Variants in AUH observed in about 807,000 individuals in gnomAD.
AUH encodes AU RNA binding methylglutaconyl-CoA hydratase, also known as methylglutaconyl-CoA hydratase, mitochondrial.
AUH carries 29 observed loss-of-function variants against 42.3 expected under a neutral mutation model. The observed-to-expected ratio is 0.69, with a 90% confidence interval of 0.51 to 0.93. AUH has a LOEUF of 0.93. Among genes scored for constraint, AUH ranks in the 40% least tolerant of loss-of-function variants. The pLI is 0.00. For missense variants in AUH, 452 were observed against 438.1 expected (o/e 1.03, Z -0.28); for synonymous variants, 174 against 166.4 (o/e 1.05, Z -0.35).
At chr9:91,326,016 G>A (rs1044133992) in intron 3 of AUH, among the ~76,000 whole-genome samples, 2 of 152,106 alleles carry the variant, frequency 1.3e-5, no homozygotes, top group East Asian at 1.9e-4. Flanking sequence ...CTTTAGCACA[G>A]AATCGTAACT....
intron 6 of AUH, among the ~76,000 whole-genome samples, chr9:91,290,801 C>T (rs1826808944): frequency 6.6e-6 from 1 of 152,152 alleles, no homozygotes; most frequent in Admixed American, 6.5e-5. Flanking sequence ...ATAATCAAGT[C>T]ACAGTAAATA....
intron 3 of AUH, among the ~76,000 whole-genome samples, chr9:91,344,998 TA>T (rs1244330713): frequency 6.9e-6 from 1 of 145,684 alleles, no homozygotes; most frequent in Non-Finnish European, 1.5e-5. Flanking sequence ...CAAAATTCAA[TA>T]CATGTTCATG....
At chr9:91,334,303 G>C (rs115292010) in intron 3 of AUH, among the ~76,000 whole-genome samples, 404 of 152,278 alleles carry the variant, frequency 2.7e-3, no homozygotes, top group African/African-American at 9.0e-3. Context: ...GGTCCTTCTG[G>C]ATGACTAGCA....
chr9:91,316,817 G>A (rs1163227417), intron 4 of AUH, among the ~76,000 whole-genome samples: 1 of 152,124 alleles, frequency 6.6e-6, no homozygotes, highest in Non-Finnish European at 1.5e-5. Context: ...TTGTCTCCCA[G>A]TCTGTGTCTT....
intron 6 of AUH, among the ~76,000 whole-genome samples, chr9:91,275,850 T>C (rs1202712506): frequency 6.6e-6 from 1 of 152,204 alleles, no homozygotes; most frequent in Non-Finnish European, 1.5e-5. Context: ...CAATGCATTA[T>C]CATTTCTAGA....
chr9:91,255,307 T>A (rs375985148), intron 6 of AUH, among the ~76,000 whole-genome samples: 5 of 152,240 alleles, frequency 3.3e-5, no homozygotes, highest in African/African-American at 1.2e-4. Flanking sequence ...ACTGACTGTA[T>A]CTTTTGTTAA....
intron 3 of AUH, among the ~76,000 whole-genome samples, chr9:91,327,978 C>T (rs561041328): frequency 2.6e-5 from 4 of 152,294 alleles, no homozygotes; most frequent in Admixed American, 2.0e-4. Flanking sequence ...GCACGGGATT[C>T]AAGTGGGCGC....
intron 6 of AUH, among the ~76,000 whole-genome samples, chr9:91,238,018 T>A (rs1012145097): frequency 6.6e-6 from 1 of 152,234 alleles, no homozygotes; most frequent in Admixed American, 6.5e-5. Context: ...ATGAGTTTTT[T>A]GCTAGTCAGT....
intron 3 of AUH, among the ~76,000 whole-genome samples, chr9:91,353,260 G>C (rs1055991019): frequency 3.3e-5 from 5 of 151,954 alleles, no homozygotes; most frequent in Admixed American, 6.6e-5. Context: ...AAAATTTTTT[G>C]TATTTTTAGT....
chr9:91,259,089 A>G (rs528333036), intron 6 of AUH, among the ~76,000 whole-genome samples: 9 of 152,320 alleles, frequency 5.9e-5, no homozygotes, highest in African/African-American at 2.2e-4. Context: ...TTGGAGTAGA[A>G]ATGATAATAT....
Position 91,282,790 on chromosome 9 carries a change from T to A in AUH, c.655+13231A>T, listed in dbSNP as rs7038799. On this transcript the variant is annotated intron_variant, in intron 6 of 9. Transcript: ENST00000375731. ...GAAGCTGAATCCCTGAATAGACCAA[T>A]AACAGGCTCTGAAATTGAGGCAATA... Among the ~76,000 whole-genome samples the A allele has an allele frequency of 4.4e-3, 669 of 152,142 alleles. 3 individuals carry two copies. The highest frequency in any genetic ancestry group is 0.015 in the African/African-American group (630 of 41,496).
At chr9:91,341,014 G>A (rs1831062182) in intron 3 of AUH, among the ~76,000 whole-genome samples, 1 of 152,182 alleles carries the variant, frequency 6.6e-6, no homozygotes, top group Non-Finnish European at 1.5e-5. Context: ...GCCCTGAGAA[G>A]GCAAACTACT....
At chr9:91,358,554 T>C (rs1450622382) in intron 1 of AUH, among the ~76,000 whole-genome samples, 1 of 152,234 alleles carries the variant, frequency 6.6e-6, no homozygotes, top group East Asian at 1.9e-4. Flanking sequence ...CATGGGACTG[T>C]ATTAGAATCG....
chr9:91,224,207 T>C (rs1292028951), intron 6 of AUH, among the ~76,000 whole-genome samples: 1 of 152,226 alleles, frequency 6.6e-6, no homozygotes, highest in Admixed American at 6.5e-5. Flanking sequence ...TGAGTAGTCA[T>C]GCTGAGCGCC....
chr9:91,225,695 TC>T (rs1456826898), intron 6 of AUH, among the ~76,000 whole-genome samples: 2 of 81,488 alleles, frequency 2.5e-5, no homozygotes, highest in African/African-American at 4.8e-5. Context: ...CTGCTATCCC[TC>T]CCCCCTCCCC....
intron 6 of AUH, among the ~76,000 whole-genome samples, chr9:91,267,494 G>C (rs1179638118): frequency 6.6e-6 from 1 of 152,124 alleles, no homozygotes; most frequent in Non-Finnish European, 1.5e-5. Context: ...GTTAACTCAA[G>C]GTTTTCCAAT....
intron 3 of AUH, among the ~76,000 whole-genome samples, chr9:91,329,436 C>T (rs1212076843): frequency 6.6e-6 from 1 of 152,138 alleles, no homozygotes; most frequent in Non-Finnish European, 1.5e-5. Context: ...TTATTATACC[C>T]ATTCTAGTGA....
At chr9:91,276,994 G>C (rs1364645146) in intron 6 of AUH, among the ~76,000 whole-genome samples, 1 of 152,126 alleles carries the variant, frequency 6.6e-6, no homozygotes, top group Non-Finnish European at 1.5e-5. Flanking sequence ...AGACCAGCCT[G>C]GGCAATATAG....
intron 6 of AUH, among the ~76,000 whole-genome samples, chr9:91,246,140 A>G (rs1355447536): frequency 6.6e-6 from 1 of 152,224 alleles, no homozygotes; most frequent in Non-Finnish European, 1.5e-5. Context: ...CTCTCCTCCC[A>G]TTCTCTCAGA....
Sources: gnomAD v4.1 joint callset for allele counts (sites outside exome capture counted in the v4.1 genomes callset) on GRCh38, gnomAD v4.1.1 for gene constraint, MANE v1.5 for transcripts, NCBI Gene and HGNC (gene_info 2026-07-23, HGNC 2026-07-21) for gene names.